The following PIBF1 variants were observed in gnomAD, a reference collection of about 807,000 sequenced individuals.
PIBF1 encodes the protein progesterone-induced-blocking factor 1.
In PIBF1, 90 loss-of-function variants were observed where a neutral mutation model predicts 112.5. The ratio of observed to expected loss-of-function variants is 0.80; its 90% confidence interval spans 0.67 to 0.95. The LOEUF (loss-of-function observed/expected upper bound fraction) is 0.95, where lower values mean the gene tolerates loss of function less well. Among genes scored for constraint, PIBF1 ranks in the 40% least tolerant of loss-of-function variants. The pLI is 0.00. For synonymous variants in PIBF1, 301 were observed against 288.6 expected (o/e 1.04, Z -0.44); for missense variants, 915 against 852.3 (o/e 1.07, Z -0.92).
chr13:72,808,605 G>T (rs917206017), intron 5 of PIBF1, among the ~76,000 whole-genome samples: 10 of 151,900 alleles, frequency 6.6e-5, no homozygotes, highest in African/African-American at 2.4e-4. Context: ...AATTTTTTTT[G>T]GTATTATTGG....
chr13:72,792,587 T>G (rs1427549699), intron 3 of PIBF1, 40 bp downstream of exon 3: 1 of 1,064,050 alleles, frequency 9.4e-7, no homozygotes, highest in East Asian at 2.6e-5. Flanking sequence ...AACATCTATT[T>G]AGCAATTAAA....
chr13:72,852,213 C>T (rs1330909769), intron 9 of PIBF1, among the ~76,000 whole-genome samples: 2 of 151,510 alleles, frequency 1.3e-5, no homozygotes, highest in Non-Finnish European at 2.9e-5. Flanking sequence ...GGAGCCCAGA[C>T]CTAGGAGCTC....
intron 4 of PIBF1, among the ~76,000 whole-genome samples, chr13:72,796,490 G>A (rs935859655): frequency 1.3e-5 from 2 of 152,160 alleles, no homozygotes; most frequent in South Asian, 2.1e-4. Flanking sequence ...AACTATGTAT[G>A]TAAAATGCTT....
intron 16 of PIBF1, among the ~76,000 whole-genome samples, chr13:72,986,088 G>A (rs1233827863): frequency 6.6e-6 from 1 of 152,004 alleles, no homozygotes; most frequent in Non-Finnish European, 1.5e-5. Flanking sequence ...ACTTGACCCC[G>A]GGACTTCAAG....
At chr13:72,912,270 C>A (rs558151011) in intron 12 of PIBF1, among the ~76,000 whole-genome samples, 1 of 151,812 alleles carries the variant, frequency 6.6e-6, no homozygotes, top group East Asian at 1.9e-4. Context: ...AATCTGTTAA[C>A]GTTAGCAGTA....
intron 10 of PIBF1, among the ~76,000 whole-genome samples, chr13:72,893,018 T>C (rs2040120171): frequency 6.6e-6 from 1 of 152,222 alleles, no homozygotes; most frequent in African/African-American, 2.4e-5. Flanking sequence ...ACTAGCTTAA[T>C]AAATATTTGA....
intron 5 of PIBF1, among the ~76,000 whole-genome samples, chr13:72,805,408 T>C (rs1276454503): frequency 1.3e-5 from 2 of 152,138 alleles, no homozygotes; most frequent in African/African-American, 2.4e-5. Flanking sequence ...TCCCAAAGTG[T>C]TGGGATTACA....
intron 14 of PIBF1, among the ~76,000 whole-genome samples, chr13:72,943,861 T>C (rs935652117): frequency 5.3e-5 from 8 of 152,222 alleles, no homozygotes; most frequent in African/African-American, 1.9e-4. Flanking sequence ...AGGCAAGTTA[T>C]CTTTTTGTAA....
At chr13:72,842,177 G>A (rs1241746668) in intron 9 of PIBF1, among the ~76,000 whole-genome samples, 3 of 152,156 alleles carry the variant, frequency 2.0e-5, no homozygotes, top group African/African-American at 7.2e-5. Context: ...AGATAATAAG[G>A]TAAAGGGAGA....
At chr13:73,000,840 ACCT>A (rs2043840241) in intron 17 of PIBF1, among the ~76,000 whole-genome samples, 1 of 152,140 alleles carries the variant, frequency 6.6e-6, no homozygotes, top group Admixed American at 6.5e-5. Flanking sequence ...TTTCCCCAGT[ACCT>A]CCAGATAAGG....
At chr13:73,012,045 G>A (rs1386004874) in intron 17 of PIBF1, among the ~76,000 whole-genome samples, 1 of 152,052 alleles carries the variant, frequency 6.6e-6, no homozygotes, top group Non-Finnish European at 1.5e-5. Flanking sequence ...GATCAAAACT[G>A]CTTATAACAG....
chr13:72,933,102 A>G (rs1308800268), intron 14 of PIBF1, among the ~76,000 whole-genome samples: 3 of 152,358 alleles, frequency 2.0e-5, no homozygotes, highest in Non-Finnish European at 2.9e-5. Context: ...ATAATAAACA[A>G]ACAAACAAAC....
intron 2 of PIBF1, among the ~76,000 whole-genome samples, chr13:72,784,970 T>G (rs1469108308): frequency 2.0e-5 from 3 of 151,996 alleles, no homozygotes; most frequent in African/African-American, 7.2e-5. Context: ...CCTCTTGGGT[T>G]CAAGCAATTC....
At chr13:72,787,115 A>G (rs990580069) in intron 2 of PIBF1, among the ~76,000 whole-genome samples, 1 of 152,180 alleles carries the variant, frequency 6.6e-6, no homozygotes, top group African/African-American at 2.4e-5. Flanking sequence ...GTGTATATAT[A>G]TGTTTACTTC....
intron 10 of PIBF1, among the ~76,000 whole-genome samples, chr13:72,856,087 A>G (rs2038409987): frequency 6.6e-6 from 1 of 152,174 alleles, no homozygotes; most frequent in Non-Finnish European, 1.5e-5. Flanking sequence ...TCCTACTTGT[A>G]TGTACATTTG....
At position 72,997,251 on chromosome 13, in the gene PIBF1, T is replaced by C. The variant is rs116682355; in HGVS notation, c.2050-1571T>C. On this transcript the variant is annotated intron_variant, in intron 16 of 17. Coordinates refer to ENST00000326291, the MANE Select transcript of PIBF1 (RefSeq NM_006346.4). ...TTTCATAGGCTTTCCCTTCTACTTA[T>C]CTTGGTAAGTAGAACAGGAGCTGAA... Among the ~76,000 whole-genome samples, 563 of 152,340 alleles carry C rather than the reference T, an allele frequency of 3.7e-3. 5 individuals are homozygous for C. The highest frequency in any genetic ancestry group is 0.013 in the African/African-American group (528 of 41,580).
chr13:72,888,140 T>G (rs1287688267), intron 10 of PIBF1, among the ~76,000 whole-genome samples: 2 of 152,166 alleles, frequency 1.3e-5, no homozygotes, highest in Non-Finnish European at 2.9e-5. Context: ...GTATACTGTT[T>G]GTTGTGAACA....
intron 14 of PIBF1, among the ~76,000 whole-genome samples, chr13:72,961,246 A>G (rs1228743846): frequency 6.6e-6 from 1 of 151,970 alleles, no homozygotes; most frequent in Non-Finnish European, 1.5e-5. Context: ...CATTTTAACA[A>G]TGTTCTCATT....
At position 72,981,147 on chromosome 13, in the gene PIBF1, C is replaced by T. The variant is rs572668104; in HGVS notation, c.2049+7472C>T. On this transcript the variant is annotated intron_variant, in intron 16 of 17. Transcript: ENST00000326291. The stretch of plus-strand genomic sequence containing the variant: ...GTAGTCCCAGCTACTCGGGAGCCTG[C>T]GGCAGGAGAATCACTTGAACCCAGG... 3.5e-3 allele frequency among the ~76,000 whole-genome samples: 525 copies of T among 151,056 alleles called. 2 individuals carry two copies. Among genetic ancestry groups the T allele is most frequent in the Non-Finnish European group, 5.4e-3 (367 of 67,738 alleles).
Sources: gnomAD v4.1 joint callset for allele counts (sites outside exome capture counted in the v4.1 genomes callset) on GRCh38, gnomAD v4.1.1 for gene constraint, MANE v1.5 for transcripts, NCBI Gene and HGNC (gene_info 2026-07-23, HGNC 2026-07-21) for gene names.